The following NAV2 variants were observed in gnomAD, a reference collection of about 807,000 sequenced individuals.
NAV2 encodes helicase, APC down-regulated 1.
Under a neutral mutation model 223.2 loss-of-function variants are expected in NAV2, and 54 were observed. That is an observed-to-expected ratio of 0.24 (90% CI 0.19 to 0.30). NAV2 has a LOEUF of 0.30. Ranked by LOEUF, NAV2 falls within the 10% of genes least tolerant of loss-of-function variation. The probability of loss-of-function intolerance (pLI) is 1.00; values close to 1 mark genes in which losing one functional copy is unlikely to be tolerated. For missense variants in NAV2, 2,806 were observed against 3,147.5 expected, an observed-to-expected ratio of 0.89 and a Z score of 2.60; for synonymous variants, 1,279 against 1,239.3, an observed-to-expected ratio of 1.03 and a Z score of -0.67.
intron 1 of NAV2, among the ~76,000 whole-genome samples, chr11:19,771,447 T>C (rs1263426992): frequency 1.3e-5 from 2 of 152,010 alleles, no homozygotes; most frequent in Non-Finnish European, 2.9e-5. Context: ...GGAAAAACCT[T>C]CCATGCTGAG....
intron 1 of NAV2, among the ~76,000 whole-genome samples, chr11:19,537,076 G>A (rs2044210371): frequency 6.6e-6 from 1 of 152,102 alleles, no homozygotes; most frequent in Admixed American, 6.5e-5. Context: ...GTCCTTGTGA[G>A]GTCTATGGTG....
At chr11:19,668,565 A>G (rs1424840551) in intron 1 of NAV2, among the ~76,000 whole-genome samples, 3 of 136,586 alleles carry the variant, frequency 2.2e-5, no homozygotes, top group Admixed American at 7.7e-5. Flanking sequence ...AAGTAGCCCT[A>G]CGTTCCATAG....
chr11:19,558,955 C>T (rs1266294282), intron 1 of NAV2, among the ~76,000 whole-genome samples: 1 of 152,272 alleles, frequency 6.6e-6, no homozygotes, highest in African/African-American at 2.4e-5. Flanking sequence ...AACTAAAGGC[C>T]GTTCCCAGCC....
intron 1 of NAV2, among the ~76,000 whole-genome samples, chr11:19,381,341 A>T (rs935513040): frequency 2.0e-5 from 3 of 152,198 alleles, no homozygotes; most frequent in African/African-American, 7.2e-5. Flanking sequence ...ACTGGACATA[A>T]ATGTTCATTA....
chr11:19,676,196 T>C (rs75650057), intron 1 of NAV2, among the ~76,000 whole-genome samples: 2,201 of 152,306 alleles, frequency 0.014, 49 homozygotes, highest in African/African-American at 0.05. Flanking sequence ...TCTGGCCTCA[T>C]AATAAGAATA....
At chr11:19,853,904 T>C (rs1466768217) in intron 3 of NAV2, among the ~76,000 whole-genome samples, 4 of 152,202 alleles carry the variant, frequency 2.6e-5, no homozygotes, top group Non-Finnish European at 4.4e-5. Context: ...TGGTAGATGC[T>C]CACTCAGTGA....
chr11:19,895,104 C>CTTTTTTTTTTTTTTTTTT lies in NAV2; in HGVS notation c.931+2516_931+2533dup, dbSNP rs71050690. The stretch of plus-strand genomic sequence containing the variant: ...CTTTCTTTTCTTTTTCTTTTTCTTT[C>CTTTTTTTTTTTTTTTTTT]TTTTTTTTTTTTTTTTTTTTTTTGA... On this transcript the variant is annotated intron_variant, in intron 6 of 37. Transcript: ENST00000349880. Among the ~76,000 whole-genome samples the CTTTTTTTTTTTTTTTTTT allele has an allele frequency of 5.2e-4, 52 of 99,206 alleles. 1 individual carries two copies. Among genetic ancestry groups the CTTTTTTTTTTTTTTTTTT allele is most frequent in the Non-Finnish European group, 6.7e-4 (36 of 53,608 alleles). The allele number at this position is 99,206 out of a possible 152,430, so 65.1% of individuals were successfully genotyped here.
chr11:19,399,251 C>T (rs1244688102), intron 1 of NAV2, among the ~76,000 whole-genome samples: 1 of 152,036 alleles, frequency 6.6e-6, no homozygotes, highest in African/African-American at 2.4e-5. Context: ...ATCAGAACTC[C>T]CTCTACCCAC....
intron 10 of NAV2, among the ~76,000 whole-genome samples, chr11:19,970,552 T>A (rs12286280): frequency 0.4 from 60,794 of 152,018 alleles, 14,568 homozygotes; most frequent in Non-Finnish European, 0.53. Flanking sequence ...GAAGGCACAG[T>A]TATAGGGACT....
intron 6 of NAV2, among the ~76,000 whole-genome samples, chr11:19,927,198 T>A (rs1290880096): frequency 6.6e-6 from 1 of 152,174 alleles, no homozygotes; most frequent in Non-Finnish European, 1.5e-5. Context: ...TTACAGTGGT[T>A]TGTCAGTTGG....
At chr11:19,909,334 A>G (rs1470669776) in intron 6 of NAV2, among the ~76,000 whole-genome samples, 1 of 152,152 alleles carries the variant, frequency 6.6e-6, no homozygotes, top group Non-Finnish European at 1.5e-5. Context: ...CCCAGGCAGT[A>G]AACAGAGCAT....
At chr11:19,566,886 C>T (rs907877087) in intron 1 of NAV2, among the ~76,000 whole-genome samples, 2 of 152,222 alleles carry the variant, frequency 1.3e-5, no homozygotes, top group Non-Finnish European at 2.9e-5. Flanking sequence ...CATGTATTTT[C>T]ACCATTGCCT....
rs774260558 is a variant in NAV2, at chr11:19,892,519, A to G, written c.856A>G (p.Ser286Gly). 6.2e-7 allele frequency: 1 copy of G among 1,614,244 alleles called. No homozygotes were observed. The highest frequency in any genetic ancestry group is 1.7e-5 in the Admixed American group (1 of 60,032). The change falls in exon 6 of 38, where the codon AGC becomes GGC. Residue 286 changes from serine (S) to glycine (G), a missense_variant. Physicochemically the swap from Ser to Gly is moderately conservative, Grantham distance 56. Coordinates refer to ENST00000349880, the MANE Select transcript of NAV2 (RefSeq NM_145117.5). ...GGSTTANNRR[S>G]QSFNNYDKSK... ...GTCAACTACTGCTAACAACCGACGC[A>G]GCCAGAGCTTTAACAACTATGATAA...
chr11:20,044,654 C>T (rs780778949), intron 13 of NAV2, among the ~76,000 whole-genome samples: 9 of 152,230 alleles, frequency 5.9e-5, no homozygotes, highest in Non-Finnish European at 8.8e-5. Context: ...ATGTTAGGGA[C>T]AGCGCTTTAA....
chr11:19,771,030 G>T (rs2055679060), intron 1 of NAV2, among the ~76,000 whole-genome samples: 1 of 152,084 alleles, frequency 6.6e-6, no homozygotes, highest in Admixed American at 6.5e-5. Flanking sequence ...CTATCTAGGG[G>T]ACTCAGATTC....
At chr11:19,758,393 C>T (rs1197987789) in intron 1 of NAV2, among the ~76,000 whole-genome samples, 1 of 152,148 alleles carries the variant, frequency 6.6e-6, no homozygotes, top group East Asian at 1.9e-4. Flanking sequence ...AAAAAAGAGC[C>T]GCATAAAATG....
intron 1 of NAV2, among the ~76,000 whole-genome samples, chr11:19,609,944 A>T (rs570802241): frequency 6.6e-6 from 1 of 152,380 alleles, no homozygotes; most frequent in African/African-American, 2.4e-5. Flanking sequence ...GCAGAAGTCA[A>T]CTAATCCTCT....
intron 1 of NAV2, among the ~76,000 whole-genome samples, chr11:19,586,995 G>T (rs1412956448): frequency 1.3e-5 from 2 of 152,370 alleles, no homozygotes; most frequent in Non-Finnish European, 1.5e-5. Flanking sequence ...ACAGAGGCAG[G>T]CAGGCCTCCT....
At chr11:19,697,040 AG>A (rs2049362583) in intron 1 of NAV2, among the ~76,000 whole-genome samples, 1 of 152,236 alleles carries the variant, frequency 6.6e-6, no homozygotes, top group African/African-American at 2.4e-5. Flanking sequence ...GGACCACAGA[AG>A]GTGTGCCTTC....
Sources: allele counts gnomAD v4.1 joint callset (sites outside exome capture counted in the v4.1 genomes callset), GRCh38; gene constraint gnomAD v4.1.1; transcripts MANE v1.5; gene names NCBI Gene and HGNC (gene_info 2026-07-23, HGNC 2026-07-21).